The following ABI3BP variants were observed in gnomAD, a reference collection of about 807,000 sequenced individuals.
ABI3BP encodes ABI family member 3 binding protein.
ABI3BP carries 216 observed loss-of-function variants against 268.6 expected under a neutral mutation model. The observed-to-expected ratio is 0.80, with a 90% confidence interval of 0.72 to 0.90. The LOEUF (loss-of-function observed/expected upper bound fraction) is 0.90, where lower values mean the gene tolerates loss of function less well. Ranked by LOEUF, ABI3BP falls within the 40% of genes least tolerant of loss-of-function variation. The probability of loss-of-function intolerance (pLI) is 0.00; values close to 1 mark genes in which losing one functional copy is unlikely to be tolerated. For missense variants in ABI3BP, 2,090 were observed against 2,182.4 expected (o/e 0.96, Z 0.84); for synonymous variants, 730 against 730.0 (o/e 1.00, Z 0.00).
In ABI3BP at chr3:100,976,013, T is replaced by C. The variant is rs1310541251; in HGVS notation, c.79+17293A>G. On this transcript the variant is annotated intron_variant, in intron 1 of 67. Coordinates refer to ENST00000471714, the MANE Select transcript of ABI3BP (RefSeq NM_001375547.2). ...GTTATATGCTTTCTTAGTAAGGCCTTAGCAACTGGTGATAACGGTCTGTGA... is the reference window on the plus strand; with the variant it reads ...GTTATATGCTTTCTTAGTAAGGCCTCAGCAACTGGTGATAACGGTCTGTGA... 2.6e-5 allele frequency among the ~76,000 whole-genome samples: 4 copies of C among 152,128 alleles called. No homozygotes were observed. The South Asian group carries it at 6.2e-4, about 24-fold the overall frequency.
At chr3:100,789,557 C>T in intron 55 of ABI3BP, 41 bp from the exon 56 acceptor site, 5 of 1,548,678 alleles carry the variant, frequency 3.2e-6, no homozygotes, top group Non-Finnish European at 4.4e-6. Context: ...ACCAACAGAC[C>T]AAAGCCTCCT....
chr3:100,855,688 C>T (rs1270182363), intron 14 of ABI3BP, among the ~76,000 whole-genome samples: 1 of 152,162 alleles, frequency 6.6e-6, no homozygotes, highest in Non-Finnish European at 1.5e-5. Flanking sequence ...CGTGTGTACA[C>T]ACAAATCTCT....
chr3:100,967,818 T>C (rs546300633), intron 1 of ABI3BP, among the ~76,000 whole-genome samples: 2 of 152,226 alleles, frequency 1.3e-5, no homozygotes, highest in Non-Finnish European at 1.5e-5. Flanking sequence ...AAATAGACAA[T>C]AGTTTTCAGA....
At chr3:100,880,815 G>A (rs2099221249) in intron 6 of ABI3BP, among the ~76,000 whole-genome samples, 1 of 152,150 alleles carries the variant, frequency 6.6e-6, no homozygotes. Flanking sequence ...TAAAGTTAGT[G>A]ATAACTAAGG....
intron 2 of ABI3BP, among the ~76,000 whole-genome samples, chr3:100,917,196 C>A (rs1014477137): frequency 6.6e-6 from 1 of 152,158 alleles, no homozygotes; most frequent in Non-Finnish European, 1.5e-5. Flanking sequence ...TGAGACTCAG[C>A]TCTGGTCCTC....
Position 100,810,488 on chromosome 3 carries a change from T to A in ABI3BP, c.3542-11A>T. The A allele has an allele frequency of 1.3e-6, 2 of 1,532,342 alleles. No individual in the cohort carries two copies. Among genetic ancestry groups the A allele is most frequent in the Admixed American group, 3.9e-5 (2 of 50,938 alleles). The allele number at this position is 1,532,342 out of a possible 1,614,324, so 94.9% of individuals were successfully genotyped here. On this transcript the variant is annotated splice_polypyrimidine_tract_variant and intron_variant, in intron 48 of 67. Transcript: ENST00000471714. The stretch of plus-strand genomic sequence containing the variant: ...GCAGAGGCGACGTTTCTATGGTAAT[T>A]GAAGGAAAGTACGCGGGTTACTATA...
At chr3:100,870,701 G>A (rs1033757238) in intron 9 of ABI3BP, among the ~76,000 whole-genome samples, 2 of 152,072 alleles carry the variant, frequency 1.3e-5, no homozygotes, top group Non-Finnish European at 2.9e-5. Flanking sequence ...CTGGACATAC[G>A]TCCAAAGGAA....
chr3:100,811,812 C>T lies in ABI3BP; in HGVS notation c.3422-13G>A, dbSNP rs560957266. 1.2e-5 allele frequency: 18 copies of T among 1,534,728 alleles called. 1 individual carries two copies. The highest frequency in any genetic ancestry group is 7.3e-5 in the East Asian group (3 of 40,902). ...GTTTTGGCTGGTGCTAGGGAAGAAACGGGAATGGCTGGTTAGTGGTGGCCA... is the reference window on the plus strand; with the variant it reads ...GTTTTGGCTGGTGCTAGGGAAGAAATGGGAATGGCTGGTTAGTGGTGGCCA... On this transcript the variant is annotated splice_polypyrimidine_tract_variant and intron_variant, in intron 46 of 67. Coordinates refer to ENST00000471714, the MANE Select transcript of ABI3BP (RefSeq NM_001375547.2).
At chr3:100,802,299 G>T (rs2097555716) in intron 51 of ABI3BP, among the ~76,000 whole-genome samples, 1 of 152,160 alleles carries the variant, frequency 6.6e-6, no homozygotes, top group African/African-American at 2.4e-5. Context: ...TGCTCCTGAT[G>T]ACTGAAACCT....
intron 1 of ABI3BP, among the ~76,000 whole-genome samples, chr3:100,962,957 C>T (rs1022354749): frequency 1.3e-5 from 2 of 152,112 alleles, no homozygotes; most frequent in Admixed American, 6.5e-5. Flanking sequence ...TCAAAGGCAC[C>T]TCAGACTCAC....
At chr3:100,991,962 A>G (rs2093008060) in intron 1 of ABI3BP, among the ~76,000 whole-genome samples, 1 of 152,210 alleles carries the variant, frequency 6.6e-6, no homozygotes, top group African/African-American at 2.4e-5. Flanking sequence ...TAAGACTGAG[A>G]AAACCCCCAG....
intron 6 of ABI3BP, among the ~76,000 whole-genome samples, chr3:100,884,738 G>GACCAAAGACAAC (rs6147977): frequency 6.6e-6 from 1 of 151,046 alleles, no homozygotes; most frequent in Non-Finnish European, 1.5e-5. Flanking sequence ...AATATCTAGG[G>GACCAAAGACAAC]ACCAAATTCC....
intron 2 of ABI3BP, among the ~76,000 whole-genome samples, chr3:100,923,349 C>A (rs1256021192): frequency 2.0e-5 from 3 of 152,130 alleles, no homozygotes; most frequent in Admixed American, 1.3e-4. Flanking sequence ...ATATTTAGTG[C>A]CTATCTACCT....
intron 61 of ABI3BP, 92 bp from the exon 62 acceptor site, chr3:100,771,044 T>A: frequency 8.8e-7 from 1 of 1,136,002 alleles, no homozygotes; most frequent in Non-Finnish European, 1.2e-6. Flanking sequence ...GGACATTTGG[T>A]CTCATATTAT....
At chr3:100,928,637 C>T (rs572260693) in intron 1 of ABI3BP, among the ~76,000 whole-genome samples, 1 of 152,132 alleles carries the variant, frequency 6.6e-6, no homozygotes, top group South Asian at 2.1e-4. Flanking sequence ...TCTCAGACTG[C>T]TATTGTTATA....
At position 100,850,696 on chromosome 3, in the gene ABI3BP, T is replaced by G; in HGVS notation, c.1390A>C (p.Thr464Pro). Residue 464 changes from threonine to proline, a missense_variant, in exon 16 of 68, where the codon ACT (threonine) becomes CCT (proline). Coordinates refer to ENST00000471714, the MANE Select transcript of ABI3BP (RefSeq NM_001375547.2). ...CTTGGCTGTTCAAGAGTTCTAGAAG[T>G]TTTAGGTGGGATAGAATCCAGAATA... is the stretch of plus-strand genomic sequence containing the variant. ...DRILDSIPPK[T>P]SRTLEQPRAT... is the part of the protein sequence containing the mutation. 4 of 1,613,056 alleles carry G rather than the reference T, an allele frequency of 2.5e-6. No homozygotes were observed. The highest frequency in any genetic ancestry group is 3.4e-6 in the Non-Finnish European group (4 of 1,179,296).
chr3:100,979,362 G>C (rs2088003910), intron 1 of ABI3BP, among the ~76,000 whole-genome samples: 1 of 152,206 alleles, frequency 6.6e-6, no homozygotes, highest in South Asian at 2.1e-4. Context: ...AAAAGGGTAG[G>C]TGAGAGACTT....
intron 6 of ABI3BP, among the ~76,000 whole-genome samples, chr3:100,885,219 TGCTC>T (rs2041393714): frequency 6.6e-6 from 1 of 152,084 alleles, no homozygotes; most frequent in African/African-American, 2.4e-5. Context: ...TGTATCAATT[TGCTC>T]TTGAAACATT....
intron 1 of ABI3BP, 23 bp from the exon 2 acceptor site, chr3:100,926,504 C>T: frequency 3.1e-6 from 5 of 1,602,980 alleles, no homozygotes; most frequent in Non-Finnish European, 4.3e-6. Context: ...ATGAAAACAT[C>T]GATGGCTGTT....
Sources: allele counts gnomAD v4.1 joint callset (sites outside exome capture counted in the v4.1 genomes callset), GRCh38; gene constraint gnomAD v4.1.1; transcripts MANE v1.5; gene names NCBI Gene and HGNC (gene_info 2026-07-23, HGNC 2026-07-21).